The following NBAS variants were observed in gnomAD, a reference collection of about 807,000 sequenced individuals.
NBAS encodes NBAS subunit of NRZ tethering complex, also known as NAG/BC035112 fusion.
A neutral mutation model predicts 302.5 loss-of-function variants in NBAS; 219 were observed. That is an observed-to-expected ratio of 0.72 (90% CI 0.65 to 0.81). The LOEUF (loss-of-function observed/expected upper bound fraction) is 0.81. Among genes scored for constraint, NBAS ranks in the 30% least tolerant of loss-of-function variants. The pLI, the probability that NBAS is intolerant of heterozygous loss-of-function variation, is 0.00. For synonymous variants in NBAS, 1,118 were observed against 1,021.6 expected (o/e 1.09, Z -1.80); for missense variants, 2,932 against 2,841.6 (o/e 1.03, Z -0.72).
the NBAS span, among the ~76,000 whole-genome samples, chr2:15,063,785 G>A: frequency 6.6e-6 from 1 of 152,192 alleles, no homozygotes; most frequent in Admixed American, 6.5e-5. Flanking sequence ...GAGCCAAGGA[G>A]AGAGGTCTCA....
At chr2:15,017,884 TC>T in the NBAS span, among the ~76,000 whole-genome samples, 1 of 152,054 alleles carries the variant, frequency 6.6e-6, no homozygotes, top group South Asian at 2.1e-4. Context: ...AGATATGGAA[TC>T]CACCAAGGTT....
chr2:15,281,724 G>C (rs7575687), intron 42 of NBAS, among the ~76,000 whole-genome samples: 89,453 of 152,054 alleles, frequency 0.59, 29,183 homozygotes, highest in African/African-American at 0.87. Context: ...AGAGCCTGCA[G>C]CAGGTTTGCA....
Position 15,474,147 on chromosome 2 carries a change from T to C in NBAS, c.1519A>G (p.Lys507Glu), listed in dbSNP as rs1039062528. ...TTTTTAGTAATGGTTCGTGGGCGTT[T>C]CCGTGGTGGTGCAAATCGCTCCATT... ...TEMERFAPPRKRPRTITKNYR... is the reference protein window; with the variant it reads ...TEMERFAPPRERPRTITKNYR... Residue 507 changes from lysine (K) to glutamate (E), a missense_variant, in exon 15 of 52, where the codon AAA becomes GAA. Coordinates refer to ENST00000281513, the MANE Select transcript of NBAS (RefSeq NM_015909.4). The C allele has an allele frequency of 1.2e-6, 2 of 1,614,156 alleles. No homozygotes were observed. The highest frequency in any genetic ancestry group is 1.7e-6 in the Non-Finnish European group (2 of 1,180,012).
the NBAS span, among the ~76,000 whole-genome samples, chr2:14,955,854 T>A: frequency 6.6e-6 from 1 of 152,216 alleles, no homozygotes; most frequent in Non-Finnish European, 1.5e-5. Flanking sequence ...TAAGAGGGAC[T>A]GCCATGAAGG....
chr2:15,189,743 G>A (rs1167636324), intron 49 of NBAS, among the ~76,000 whole-genome samples: 1 of 152,156 alleles, frequency 6.6e-6, no homozygotes, highest in Non-Finnish European at 1.5e-5. Context: ...TTAGAATTCT[G>A]TCTCCTCCAC....
At chr2:15,011,822 G>A in the NBAS span, among the ~76,000 whole-genome samples, 1 of 151,780 alleles carries the variant, frequency 6.6e-6, no homozygotes, top group African/African-American at 2.4e-5. Context: ...GATTATTGCT[G>A]AAGCAACTAC....
chr2:15,204,151 C>T (rs1319581854), intron 48 of NBAS, among the ~76,000 whole-genome samples: 1 of 151,910 alleles, frequency 6.6e-6, no homozygotes, highest in Non-Finnish European at 1.5e-5. Flanking sequence ...GTCTCAGTGA[C>T]TTGGAAGGCT....
the NBAS span, among the ~76,000 whole-genome samples, chr2:15,060,512 G>A: frequency 6.6e-6 from 1 of 152,112 alleles, no homozygotes; most frequent in African/African-American, 2.4e-5. Context: ...GATCCTGGGA[G>A]GCATCGGTGA....
chr2:14,924,698 C>T, the NBAS span, among the ~76,000 whole-genome samples: 3 of 152,150 alleles, frequency 2.0e-5, no homozygotes, highest in African/African-American at 7.2e-5. Context: ...TTCATTTTCT[C>T]AAAGACATAT....
At chr2:15,393,800 A>G (rs570319165) in intron 28 of NBAS, 2 of 454,334 alleles carry the variant, frequency 4.4e-6, no homozygotes, top group Non-Finnish European at 9.0e-6. Flanking sequence ...ATGACACAAC[A>G]TGGATGAATC....
At chr2:15,240,662 C>T (rs1177839951) in intron 44 of NBAS, among the ~76,000 whole-genome samples, 1 of 151,958 alleles carries the variant, frequency 6.6e-6, no homozygotes, top group Non-Finnish European at 1.5e-5. Context: ...TTTCCTAATC[C>T]TATATAAATA....
At chr2:15,558,091 T>G (rs1664727955) in intron 2 of NBAS, among the ~76,000 whole-genome samples, 3 of 152,192 alleles carry the variant, frequency 2.0e-5, no homozygotes, top group Admixed American at 2.0e-4. Context: ...CCAACCTTTT[T>G]GGCACCAGGG....
At chr2:15,157,474 A>G in the NBAS span, among the ~76,000 whole-genome samples, 1 of 152,182 alleles carries the variant, frequency 6.6e-6, no homozygotes, top group Non-Finnish European at 1.5e-5. Context: ...GTGTGCGTTT[A>G]GGGCCGTCTT....
chr2:15,144,046 A>ATATATATATATATATAT, the NBAS span, among the ~76,000 whole-genome samples: 47 of 104,518 alleles, frequency 4.5e-4, 4 homozygotes, highest in African/African-American at 7.6e-4. Flanking sequence ...CCTATATATA[A>ATATATATATATATATAT]AAATATATAT....
intron 26 of NBAS, 124 bp downstream of exon 26, chr2:15,402,044 T>C (rs1676178799): frequency 2.9e-6 from 3 of 1,028,024 alleles, no homozygotes; most frequent in Non-Finnish European, 4.5e-6. Flanking sequence ...TAATTTTATT[T>C]TCTTCCTTAT....
chr2:14,922,494 C>T, the NBAS span, among the ~76,000 whole-genome samples: 1 of 152,148 alleles, frequency 6.6e-6, no homozygotes, highest in East Asian at 1.9e-4. Context: ...AGACCTCTCT[C>T]CTTGGTTAGC....
chr2:15,052,369 G>A, the NBAS span, among the ~76,000 whole-genome samples: 1 of 152,172 alleles, frequency 6.6e-6, no homozygotes, highest in Non-Finnish European at 1.5e-5. Flanking sequence ...TCCAAGCATA[G>A]AGAATGTTGA....
chr2:14,817,771 C>T, the NBAS span, among the ~76,000 whole-genome samples: 1 of 152,022 alleles, frequency 6.6e-6, no homozygotes. Context: ...TAAATCTGGA[C>T]CCATTGCTTC....
chr2:15,205,769 T>C (rs1320142665), intron 48 of NBAS, among the ~76,000 whole-genome samples: 1 of 152,194 alleles, frequency 6.6e-6, no homozygotes, highest in African/African-American at 2.4e-5. Context: ...GATAAGTGTC[T>C]GGCACCTTCC....
Sources: gnomAD v4.1 joint callset for allele counts (sites outside exome capture counted in the v4.1 genomes callset) on GRCh38, gnomAD v4.1.1 for gene constraint, MANE v1.5 for transcripts, NCBI Gene and HGNC (gene_info 2026-07-23, HGNC 2026-07-21) for gene names.